LARP4B: variants seen among roughly 807,000 people sequenced by gnomAD.
LARP4B encodes la-related protein 4B.
In LARP4B, 12 loss-of-function variants were observed where a neutral mutation model predicts 89.8. The observed-to-expected ratio is 0.13, with a 90% CI of 0.09 to 0.22. LARP4B has a LOEUF of 0.22. Ranked by LOEUF, LARP4B falls within the 10% of genes least tolerant of loss-of-function variation. LARP4B has a pLI of 1.00. For synonymous variants in LARP4B, 367 were observed against 363.3 expected (o/e 1.01, Z -0.12); for missense variants, 757 against 947.7 (o/e 0.80, Z 2.64).
chr10:961,573 C>T, the LARP4B span, among the ~76,000 whole-genome samples: 1 of 150,784 alleles, frequency 6.6e-6, no homozygotes, highest in Admixed American at 6.6e-5. Flanking sequence ...GCATCTGCTT[C>T]TGGGGAGGCC....
At chr10:937,921 GTC>G in the LARP4B span, among the ~76,000 whole-genome samples, 1 of 152,012 alleles carries the variant, frequency 6.6e-6, no homozygotes, top group African/African-American at 2.4e-5. Flanking sequence ...GTCTTGCTCT[GTC>G]TCCCAGGCTG....
At chr10:983,468 G>A in the LARP4B span, among the ~76,000 whole-genome samples, 1 of 152,174 alleles carries the variant, frequency 6.6e-6, no homozygotes, top group Non-Finnish European at 1.5e-5. Context: ...CAGTTTTGGA[G>A]ACTGGAAGGT....
In LARP4B at chr10:820,826, G is replaced by A. The variant is rs775974407; in HGVS notation, c.1504C>T (p.Arg502Trp). The A allele has an allele frequency of 6.8e-6, 11 of 1,613,506 alleles. No individual in the cohort carries two copies. In the South Asian group the frequency reaches 7.7e-5, roughly 11 times the overall value. ...GTAAACTTCTCCTCCCTTTTCTTCC[G>A]GTAGCCAAAGGAATTCTTCCTAGAG... ...GRGRKNSFGY[R>W]KKREEKFTSS... Residue 502 changes from arginine to tryptophan, a missense_variant, in exon 14 of 18, where the codon CGG becomes TGG. Around this residue, in one of 5 missense-constraint regions of LARP4B, gnomAD observed 387 missense variants for 423.6 expected, o/e 0.91. Transcript: ENST00000316157.
At chr10:904,909 A>G (rs1475041224) in intron 1 of LARP4B, among the ~76,000 whole-genome samples, 1 of 152,256 alleles carries the variant, frequency 6.6e-6, no homozygotes, top group East Asian at 1.9e-4. Context: ...GACTGTCCAC[A>G]TGGGTGGCTG....
the LARP4B span, among the ~76,000 whole-genome samples, chr10:982,112 CTTTCTT>C: frequency 2.4e-5 from 3 of 125,964 alleles, no homozygotes; most frequent in Non-Finnish European, 3.4e-5. Flanking sequence ...TTCTTTCTTT[CTTTCTT>C]TTTTTTTTTT....
intron 5 of LARP4B, among the ~76,000 whole-genome samples, chr10:849,810 C>G (rs1833952559): frequency 6.6e-6 from 1 of 152,136 alleles, no homozygotes; most frequent in African/African-American, 2.4e-5. Flanking sequence ...AACCCATTAC[C>G]ACTATAGTAT....
the LARP4B span, among the ~76,000 whole-genome samples, chr10:975,614 T>C: frequency 6.6e-6 from 1 of 152,186 alleles, no homozygotes; most frequent in Non-Finnish European, 1.5e-5. Context: ...TCTCTTGGGG[T>C]GGACGTGACA....
chr10:909,085 G>A (rs553035527), intron 1 of LARP4B, among the ~76,000 whole-genome samples: 5 of 152,130 alleles, frequency 3.3e-5, no homozygotes, highest in Non-Finnish European at 7.4e-5. Context: ...ACAAGGTCAG[G>A]AGATCAAGAT....
intron 5 of LARP4B, among the ~76,000 whole-genome samples, chr10:854,754 G>C (rs1414851645): frequency 6.6e-6 from 1 of 152,112 alleles, no homozygotes; most frequent in African/African-American, 2.4e-5. Flanking sequence ...ATGAGCACTG[G>C]CTTCAAGTTA....
chr10:865,991 G>A (rs993128580), intron 3 of LARP4B, among the ~76,000 whole-genome samples: 2 of 152,206 alleles, frequency 1.3e-5, no homozygotes, highest in African/African-American at 4.8e-5. Flanking sequence ...TCAAATAAAC[G>A]ATGGGTGCAT....
intron 14 of LARP4B, 135 bp from the exon 15 acceptor site, chr10:818,024 T>C (rs2296625): frequency 0.17 from 142,974 of 840,198 alleles, 13,527 homozygotes; most frequent in African/African-American, 0.27. Flanking sequence ...CCTCACTCAA[T>C]TGAAGGTTCT....
At chr10:909,787 A>C (rs1397951721) in intron 1 of LARP4B, among the ~76,000 whole-genome samples, 3 of 145,362 alleles carry the variant, frequency 2.1e-5, no homozygotes, top group African/African-American at 5.0e-5. Flanking sequence ...CTCCATCTCT[A>C]AAAAAAAAAA....
intron 5 of LARP4B, among the ~76,000 whole-genome samples, chr10:859,176 G>A (rs939408574): frequency 1.3e-5 from 2 of 152,090 alleles, no homozygotes; most frequent in African/African-American, 2.4e-5. Context: ...CTACTTGGGA[G>A]GCTGAGGCAG....
the LARP4B span, among the ~76,000 whole-genome samples, chr10:973,968 AG>A: frequency 2.6e-5 from 4 of 152,164 alleles, no homozygotes; most frequent in Non-Finnish European, 5.9e-5. Context: ...GAATAACCTT[AG>A]GAAGTGCCCT....
chr10:978,869 T>A, the LARP4B span, among the ~76,000 whole-genome samples: 2 of 152,220 alleles, frequency 1.3e-5, no homozygotes, highest in African/African-American at 4.8e-5. Context: ...GTTTTTCTCC[T>A]CATCCTTAAA....
chr10:814,425 G>T lies in LARP4B; in HGVS notation c.1929+317C>A. ...CGCACGCACGCAAACATACACACAC[G>T]CGCGAAATGCTGAAATGATCCTAAA... On this transcript the variant is annotated intron_variant, in intron 17 of 17. Transcript: ENST00000316157. This position sits in a 1 kb window ranked among gnomAD's most constrained non-coding sequence, Gnocchi z 4.4. 1 of 409,794 alleles carries T rather than the reference G, an allele frequency of 2.4e-6. No individual in the cohort carries two copies. Among genetic ancestry groups the T allele is most frequent in the Middle Eastern group, 7.8e-4 (1 of 1,290 alleles). 25.4% of individuals were successfully genotyped at this position (409,794 alleles called of 1,614,324 possible).
At chr10:958,155 A>G in the LARP4B span, among the ~76,000 whole-genome samples, 1 of 152,082 alleles carries the variant, frequency 6.6e-6, no homozygotes, top group African/African-American at 2.4e-5. Context: ...CTGGGTTGTC[A>G]CTTGGATTTG....
intron 7 of LARP4B, among the ~76,000 whole-genome samples, chr10:839,238 C>T (rs1288895400): frequency 6.6e-6 from 1 of 152,130 alleles, no homozygotes; most frequent in Non-Finnish European, 1.5e-5. Context: ...CCAAGTGAAC[C>T]CTTATGTAAA....
chr10:885,548 T>C (rs1276631485), intron 2 of LARP4B, 93 bp downstream of exon 2: 1 of 797,354 alleles, frequency 1.3e-6, no homozygotes, highest in African/African-American at 1.7e-5. Context: ...GATGTGCCAG[T>C]GTTCCTGTTT....
Sources: allele counts gnomAD v4.1 joint callset (sites outside exome capture counted in the v4.1 genomes callset), GRCh38; gene constraint gnomAD v4.1.1; regional missense constraint gnomAD v4.1.1; non-coding constraint Gnocchi (gnomAD v3.1); transcripts MANE v1.5; gene names NCBI Gene and HGNC (gene_info 2026-07-23, HGNC 2026-07-21).